The following NR6A1 variants were observed in gnomAD, a reference collection of about 807,000 sequenced individuals.
The protein encoded by NR6A1 is retinoic acid receptor-related testis-associated receptor.
A neutral mutation model predicts 59.1 loss-of-function variants in NR6A1; 7 were observed. The observed-to-expected ratio is 0.12, with a 90% confidence interval of 0.07 to 0.22. The LOEUF (loss-of-function observed/expected upper bound fraction) is 0.22. NR6A1 is among the 10% of genes least tolerant of loss of function. The pLI is 1.00. For synonymous variants in NR6A1, 243 were observed against 236.1 expected (o/e 1.03, Z -0.27); for missense variants, 468 against 611.6 (o/e 0.77, Z 2.48).
At chr9:124,770,192 G>A (rs1841083340) in intron 1 of NR6A1, 1 of 152,654 alleles carries the variant, frequency 6.6e-6, no homozygotes, top group South Asian at 2.1e-4. Flanking sequence ...GAGGAGGCAG[G>A]TGTCCGGGGC....
At chr9:124,744,143 G>A (rs554254981) in intron 1 of NR6A1, among the ~76,000 whole-genome samples, 2 of 152,302 alleles carry the variant, frequency 1.3e-5, no homozygotes, top group South Asian at 4.1e-4. Flanking sequence ...GGGAGGCTGA[G>A]GTGGGAGGAC....
At position 124,771,157 on chromosome 9, in the gene NR6A1, C is replaced by T. The variant is rs1841148980; in HGVS notation, c.-38G>A. The T allele has an allele frequency of 8.9e-7, 1 of 1,128,376 alleles. No homozygotes were observed. Among genetic ancestry groups the T allele is most frequent in the Non-Finnish European group, 1.1e-6 (1 of 893,320 alleles). The allele number at this position is 1,128,376 out of a possible 1,614,324, so 69.9% of individuals were successfully genotyped here. On this transcript the variant is annotated 5_prime_UTR_variant, in exon 1 of 10. Transcript: ENST00000487099. ...AGGGTCCGCGCCGGGTTTGTTGCTCCGCCATGACCGGCGCCCTAGTCGCCG... is the reference window on the plus strand; with the variant it reads ...AGGGTCCGCGCCGGGTTTGTTGCTCTGCCATGACCGGCGCCCTAGTCGCCG...
intron 2 of NR6A1, among the ~76,000 whole-genome samples, chr9:124,580,895 G>A (rs577582490): frequency 1.3e-5 from 2 of 152,130 alleles, no homozygotes; most frequent in East Asian, 3.9e-4. Flanking sequence ...CTATACTACA[G>A]GGATACAGTA....
intron 1 of NR6A1, among the ~76,000 whole-genome samples, chr9:124,753,099 C>T (rs1840550913): frequency 1.3e-5 from 2 of 152,152 alleles, no homozygotes; most frequent in African/African-American, 4.8e-5. Context: ...AGCAAGGAAA[C>T]CACTGGATGA....
chr9:124,712,994 A>G (rs1420193706), intron 2 of NR6A1, among the ~76,000 whole-genome samples: 1 of 152,218 alleles, frequency 6.6e-6, no homozygotes, highest in Non-Finnish European at 1.5e-5. Context: ...AAAACCCTAC[A>G]GCTTCCTGAT....
intron 4 of NR6A1, among the ~76,000 whole-genome samples, chr9:124,540,439 C>T (rs1294690038): frequency 6.6e-6 from 1 of 152,186 alleles, no homozygotes; most frequent in African/African-American, 2.4e-5. Context: ...GTTCTTTCAA[C>T]TCCTTTTTGT....
intron 3 of NR6A1, among the ~76,000 whole-genome samples, chr9:124,544,374 C>G (rs1300803679): frequency 6.6e-6 from 1 of 152,138 alleles, no homozygotes; most frequent in East Asian, 1.9e-4. Flanking sequence ...AGGAACTTAC[C>G]TAGCATTTAC....
At chr9:124,650,658 C>T (rs1837072739) in intron 2 of NR6A1, among the ~76,000 whole-genome samples, 1 of 152,156 alleles carries the variant, frequency 6.6e-6, no homozygotes, top group Non-Finnish European at 1.5e-5. Flanking sequence ...CCAATTTGAT[C>T]ATTACACATT....
intron 5 of NR6A1, among the ~76,000 whole-genome samples, chr9:124,538,875 T>C (rs1204808991): frequency 6.7e-6 from 1 of 148,770 alleles, no homozygotes; most frequent in Non-Finnish European, 1.5e-5. Context: ...TTTCCTTTCT[T>C]GGAGAAAGCT....
At chr9:124,760,766 G>GT (rs1840766731) in intron 1 of NR6A1, among the ~76,000 whole-genome samples, 1 of 152,232 alleles carries the variant, frequency 6.6e-6, no homozygotes, top group Admixed American at 6.5e-5. Flanking sequence ...AGCTATTAAT[G>GT]TTAAATGAGA....
rs1157560351 is a variant in NR6A1 at position 124,683,747 on chromosome 9, C to T, written c.142+49561G>A. Reference sequence around the variant, plus strand: ...GGTGGAGGTTGCAGTGAGCCAAGATCGCACCATTGCACTCCAGCTTGGGCA... The same window carrying T: ...GGTGGAGGTTGCAGTGAGCCAAGATTGCACCATTGCACTCCAGCTTGGGCA... On this transcript the variant is annotated intron_variant, in intron 2 of 9. Coordinates refer to ENST00000487099, the MANE Select transcript of NR6A1 (RefSeq NM_033334.4). Among the ~76,000 whole-genome samples, 3 of 152,290 alleles carry T rather than the reference C, an allele frequency of 2.0e-5. 1 individual carries two copies. The highest frequency in any genetic ancestry group is 4.1e-4 in the South Asian group (2 of 4,824).
chr9:124,543,938 C>A, intron 3 of NR6A1, 81 bp from the exon 4 acceptor site: 1 of 1,191,130 alleles, frequency 8.4e-7, no homozygotes, highest in Non-Finnish European at 1.2e-6. Context: ...TTTACTTGGC[C>A]AAAAGCATAA....
chr9:124,563,882 C>G (rs1834154666), intron 2 of NR6A1, among the ~76,000 whole-genome samples: 1 of 152,052 alleles, frequency 6.6e-6, no homozygotes, highest in African/African-American at 2.4e-5. Context: ...TCTAGACCAG[C>G]CTGGGTAACA....
At chr9:124,559,525 C>T (rs1834019655) in intron 2 of NR6A1, among the ~76,000 whole-genome samples, 2 of 152,108 alleles carry the variant, frequency 1.3e-5, no homozygotes, top group Non-Finnish European at 2.9e-5. Context: ...CCTGTAATCC[C>T]AGCACTTTGG....
intron 2 of NR6A1, among the ~76,000 whole-genome samples, chr9:124,568,805 T>C (rs1040948076): frequency 6.6e-6 from 1 of 151,694 alleles, no homozygotes; most frequent in Non-Finnish European, 1.5e-5. Context: ...GGATGGTTGG[T>C]ATGGCAGGTA....
chr9:124,541,571 C>T (rs1293269188), intron 4 of NR6A1, among the ~76,000 whole-genome samples: 3 of 152,136 alleles, frequency 2.0e-5, no homozygotes, highest in African/African-American at 7.2e-5. Context: ...AACCCTTGTG[C>T]ACTGTTAGTG....
chr9:124,725,445 T>C (rs985720113), intron 2 of NR6A1, among the ~76,000 whole-genome samples: 3 of 152,012 alleles, frequency 2.0e-5, no homozygotes, highest in African/African-American at 7.2e-5. Context: ...AAGTCAGTCT[T>C]TCCTCAACTA....
intron 2 of NR6A1, among the ~76,000 whole-genome samples, chr9:124,634,016 A>G (rs1168197599): frequency 6.6e-6 from 1 of 152,236 alleles, no homozygotes; most frequent in Non-Finnish European, 1.5e-5. Flanking sequence ...TAGCCTCTTG[A>G]CTTAATATAT....
chr9:124,710,713 G>A (rs773158809), intron 2 of NR6A1, among the ~76,000 whole-genome samples: 4 of 152,122 alleles, frequency 2.6e-5, no homozygotes, highest in East Asian at 1.9e-4. Flanking sequence ...GTTTATAAAC[G>A]AATGAGACTC....
Sources: allele counts gnomAD v4.1 joint callset (sites outside exome capture counted in the v4.1 genomes callset), GRCh38; gene constraint gnomAD v4.1.1; transcripts MANE v1.5; gene names NCBI Gene and HGNC (gene_info 2026-07-23, HGNC 2026-07-21).